The following MICU1 variants were observed in gnomAD, a reference collection of about 807,000 sequenced individuals.
The protein encoded by MICU1 is calcium uptake protein 1, mitochondrial.
In MICU1, 45 loss-of-function variants were observed where a neutral mutation model predicts 56.8. The observed-to-expected ratio is 0.79, with a 90% CI of 0.62 to 1.02. MICU1 has a LOEUF of 1.02. MICU1 is among the 50% of genes least tolerant of loss of function. The probability of loss-of-function intolerance (pLI) is 0.00; values close to 1 mark genes in which losing one functional copy is unlikely to be tolerated. For synonymous variants in MICU1, 186 were observed against 195.1 expected, an observed-to-expected ratio of 0.95 and a Z score of 0.39; for missense variants, 504 against 587.1, an observed-to-expected ratio of 0.86 and a Z score of 1.46.
At position 72,400,483 on chromosome 10, in the gene MICU1, T is replaced by C. The variant is rs563199602; in HGVS notation, c.1180+7446A>G. Among the ~76,000 whole-genome samples, 26 of 152,222 alleles carry C rather than the reference T, an allele frequency of 1.7e-4. No individual in the cohort carries two copies. In the South Asian group the frequency reaches 5.2e-3, roughly 30 times the overall value. On this transcript the variant is annotated intron_variant, in intron 10 of 11. Transcript: ENST00000361114. Reference sequence around the variant, plus strand: ...ATGACTGGCCGGGCGTGGTGGCTCATGACTGTAATCCCAGCACTTTGGGAG... The same window carrying C: ...ATGACTGGCCGGGCGTGGTGGCTCACGACTGTAATCCCAGCACTTTGGGAG...
chr10:72,471,261 T>C (rs1865942406), intron 8 of MICU1, among the ~76,000 whole-genome samples: 1 of 152,138 alleles, frequency 6.6e-6, no homozygotes, highest in Non-Finnish European at 1.5e-5. Context: ...GTTTTTTGTA[T>C]TGTTAGTAGA....
chr10:72,543,747 G>T (rs1257502908), intron 4 of MICU1, among the ~76,000 whole-genome samples: 3 of 151,970 alleles, frequency 2.0e-5, no homozygotes, highest in African/African-American at 7.3e-5. Context: ...CCCAGCTGGA[G>T]GCTGAGGCAA....
intron 5 of MICU1, among the ~76,000 whole-genome samples, chr10:72,511,769 C>A: frequency 6.6e-6 from 1 of 152,314 alleles, no homozygotes; most frequent in East Asian, 1.9e-4. Flanking sequence ...TGCTTACACA[C>A]AATAAATGCT....
At position 72,456,852 on chromosome 10, in the gene MICU1, TGTGTGTGTGTGTGTG is replaced by T. The variant is rs1564880590; in HGVS notation, c.933+18233_933+18247del. ...GCACCACCATGCCGGGCTCATTTTGTGTGTGTGTGTGTGTGTGTGTGTGTGTGTGTGTGTGTGTGT... is the reference window on the plus strand; with the variant it reads ...GCACCACCATGCCGGGCTCATTTTGTTGTGTGTGTGTGTGTGTGTGTGTGT... On this transcript the variant is annotated intron_variant, in intron 8 of 11. Coordinates refer to ENST00000361114, the MANE Select transcript of MICU1 (RefSeq NM_001195518.2). Among the ~76,000 whole-genome samples, 4 of 12,084 alleles carry T rather than the reference TGTGTGTGTGTGTGTG, an allele frequency of 3.3e-4. No homozygotes were observed. The African/African-American group carries it at 5.1e-3, about 15-fold the overall frequency. 7.9% of individuals were successfully genotyped at this position (12,084 alleles called of 152,430 possible). A position where few individuals can be genotyped will look rare whatever the true frequency, so the allele number is the denominator to read the frequency against.
intron 8 of MICU1, among the ~76,000 whole-genome samples, chr10:72,447,910 C>G (rs1341177497): frequency 6.6e-6 from 1 of 151,958 alleles, no homozygotes; most frequent in Non-Finnish European, 1.5e-5. Context: ...CACTAAAAAC[C>G]TACATTTTGA....
intron 8 of MICU1, among the ~76,000 whole-genome samples, chr10:72,468,328 C>T (rs74801022): frequency 0.028 from 4,054 of 145,716 alleles, 179 homozygotes; most frequent in African/African-American, 0.098. Context: ...CAGCTCCTTT[C>T]CCCCCTTACC....
At chr10:72,540,774 T>C (rs1474306097) in intron 4 of MICU1, among the ~76,000 whole-genome samples, 3 of 152,244 alleles carry the variant, frequency 2.0e-5, no homozygotes, top group Non-Finnish European at 4.4e-5. Flanking sequence ...CATTGGGCTT[T>C]GTTGTGTAAC....
At chr10:72,409,100 C>T (rs929216285) in intron 9 of MICU1, among the ~76,000 whole-genome samples, 1 of 152,110 alleles carries the variant, frequency 6.6e-6, no homozygotes, top group African/African-American at 2.4e-5. Flanking sequence ...ACACATCATG[C>T]TGTGATGGAA....
chr10:72,617,259 C>T (rs1404622143), intron 1 of MICU1, among the ~76,000 whole-genome samples: 1 of 151,806 alleles, frequency 6.6e-6, no homozygotes, highest in Non-Finnish European at 1.5e-5. Context: ...ACTTTTTTCC[C>T]ACATAATCAT....
At chr10:72,436,937 T>C (rs1354270736) in intron 8 of MICU1, among the ~76,000 whole-genome samples, 1 of 152,056 alleles carries the variant, frequency 6.6e-6, no homozygotes, top group African/African-American at 2.4e-5. Context: ...TACCTAAAAG[T>C]GATGGGGAGA....
chr10:72,508,371 T>C (rs928139061), intron 5 of MICU1, 102 bp from the exon 6 acceptor site: 10 of 473,650 alleles, frequency 2.1e-5, no homozygotes, highest in Admixed American at 1.4e-4. Context: ...TTTTATGCTA[T>C]TTATCATAAG....
chr10:72,541,220 C>G lies in MICU1; in HGVS notation c.494-7431G>C, dbSNP rs531006755. Among the ~76,000 whole-genome samples, 20 of 152,252 alleles carry G rather than the reference C, an allele frequency of 1.3e-4. No individual in the cohort carries two copies. The South Asian group carries it at 3.7e-3, about 28-fold the overall frequency. ...CTTGAAAGCAAGAATGCTAATAGTCCCTCCCTAAAACTCCTTGCTCAGCGA... is the reference window on the plus strand; with the variant it reads ...CTTGAAAGCAAGAATGCTAATAGTCGCTCCCTAAAACTCCTTGCTCAGCGA... On this transcript the variant is annotated intron_variant, in intron 4 of 11. Coordinates refer to ENST00000361114, the MANE Select transcript of MICU1 (RefSeq NM_001195518.2).
intron 8 of MICU1, among the ~76,000 whole-genome samples, chr10:72,463,167 G>A (rs1052890080): frequency 2.6e-5 from 4 of 151,970 alleles, no homozygotes; most frequent in Non-Finnish European, 4.4e-5. Context: ...GGGTTCAAGC[G>A]ATTGTCCTGC....
intron 9 of MICU1, among the ~76,000 whole-genome samples, chr10:72,420,536 G>T (rs1159838490): frequency 6.6e-6 from 1 of 152,150 alleles, no homozygotes; most frequent in African/African-American, 2.4e-5. Flanking sequence ...AACATTTTTA[G>T]TGCCAGGTTA....
At chr10:72,395,190 T>C (rs919091013) in intron 10 of MICU1, among the ~76,000 whole-genome samples, 1 of 151,966 alleles carries the variant, frequency 6.6e-6, no homozygotes, top group Non-Finnish European at 1.5e-5. Flanking sequence ...AAAATTTTTG[T>C]ATTTTCAGTA....
At chr10:72,491,702 T>C (rs1866660406) in intron 6 of MICU1, among the ~76,000 whole-genome samples, 1 of 152,198 alleles carries the variant, frequency 6.6e-6, no homozygotes, top group South Asian at 2.1e-4. Context: ...TCAAAGTATT[T>C]AGCCCATGGA....
Position 72,505,012 on chromosome 10 carries a change from C to T in MICU1, c.652+3143G>A, listed in dbSNP as rs529681535. Among the ~76,000 whole-genome samples the T allele has an allele frequency of 3.3e-5, 5 of 151,980 alleles. 1 individual carries two copies. In the South Asian group the frequency reaches 1.0e-3, roughly 32 times the overall value. Reference sequence around the variant, plus strand: ...TTCGAGATGGAGTTTTGCACTGTCTCTCAGGCTGGAGTGCAGTGGAGTGTG... The same window carrying T: ...TTCGAGATGGAGTTTTGCACTGTCTTTCAGGCTGGAGTGCAGTGGAGTGTG... On this transcript the variant is annotated intron_variant, in intron 6 of 11. Coordinates refer to ENST00000361114, the MANE Select transcript of MICU1 (RefSeq NM_001195518.2).
intron 8 of MICU1, among the ~76,000 whole-genome samples, chr10:72,458,704 GTT>G (rs58623292): frequency 0.11 from 15,375 of 142,802 alleles, 2,266 homozygotes; most frequent in African/African-American, 0.33. Context: ...TGCGGTTCCT[GTT>G]TTTTTTTTTT....
intron 8 of MICU1, chr10:72,473,152 C>G (rs894621961): frequency 1.3e-5 from 2 of 151,878 alleles, no homozygotes; most frequent in African/African-American, 2.4e-5. Context: ...CAAAACACTT[C>G]TAATAGTAAA....
Sources: gnomAD v4.1 joint callset for allele counts (sites outside exome capture counted in the v4.1 genomes callset) on GRCh38, gnomAD v4.1.1 for gene constraint, MANE v1.5 for transcripts, NCBI Gene and HGNC (gene_info 2026-07-23, HGNC 2026-07-21) for gene names.